The following LRRK2 variants were observed in gnomAD, a reference collection of about 807,000 sequenced individuals.
LRRK2 encodes leucine-rich repeat serine/threonine-protein kinase 2.
Under a neutral mutation model 302.6 loss-of-function variants are expected in LRRK2, and 203 were observed. The observed-to-expected ratio is 0.67, with a 90% CI of 0.60 to 0.75. The LOEUF (loss-of-function observed/expected upper bound fraction) is 0.75. Among genes scored for constraint, LRRK2 ranks in the 30% least tolerant of loss-of-function variants. The pLI is 0.00. For synonymous variants in LRRK2, 1,066 were observed against 1,031.9 expected, an observed-to-expected ratio of 1.03 and a Z score of -0.63; for missense variants, 2,830 against 2,951.0, an observed-to-expected ratio of 0.96 and a Z score of 0.95.
chr12:40,283,779 G>A, intron 18 of LRRK2, 96 bp from the exon 19 acceptor site: 2 of 1,038,252 alleles, frequency 1.9e-6, no homozygotes, highest in Non-Finnish European at 2.8e-6. Context: ...CCAAATTGGA[G>A]ATGTAGAGAA....
intron 33 of LRRK2, 58 bp downstream of exon 33, chr12:40,315,358 C>T (rs373801896): frequency 2.6e-4 from 355 of 1,370,016 alleles, no homozygotes; most frequent in Non-Finnish European, 3.5e-4. Flanking sequence ...GAACAGATGG[C>T]GCCCAGAGCA....
At chr12:40,287,183 G>T (rs1490372356) in intron 19 of LRRK2, among the ~76,000 whole-genome samples, 168 bp from the exon 20 acceptor site, 2 of 152,030 alleles carry the variant, frequency 1.3e-5, no homozygotes, top group Admixed American at 6.6e-5. Context: ...AAAAATATAT[G>T]ATCTGCCACC....
At chr12:40,256,468 A>G (rs957905685) in intron 11 of LRRK2, among the ~76,000 whole-genome samples, 3 of 152,176 alleles carry the variant, frequency 2.0e-5, no homozygotes, top group Admixed American at 6.6e-5. Flanking sequence ...CAACAAAAAA[A>G]GAGGAAAATT....
intron 2 of LRRK2, among the ~76,000 whole-genome samples, chr12:40,229,983 T>A (rs868622550): frequency 4.4e-5 from 6 of 135,174 alleles, no homozygotes; most frequent in African/African-American, 1.4e-4. Flanking sequence ...TTTTTTTTTT[T>A]ACCACCAGAA....
intron 41 of LRRK2, among the ~76,000 whole-genome samples, chr12:40,345,018 G>A (rs1322435400): frequency 6.6e-6 from 1 of 152,110 alleles, no homozygotes; most frequent in Non-Finnish European, 1.5e-5. Context: ...AGCATGGTGA[G>A]GACTGCTGAG....
chr12:40,231,271 GGCC>G (rs1941169267), intron 2 of LRRK2, among the ~76,000 whole-genome samples: 1 of 151,382 alleles, frequency 6.6e-6, no homozygotes, highest in Admixed American at 6.6e-5. Context: ...ACCTACTAAG[GGCC>G]AGGTGCAGAG....
intron 22 of LRRK2, 110 bp from the exon 23 acceptor site, chr12:40,295,317 T>G: frequency 1.0e-6 from 1 of 989,620 alleles, no homozygotes; most frequent in Non-Finnish European, 1.5e-6. Flanking sequence ...CTACTGAATC[T>G]TCAGTGCCTT....
rs552641153 is a variant in LRRK2 at position 40,256,640 on chromosome 12, T to A, written c.1289-608T>A. 4.6e-5 allele frequency among the ~76,000 whole-genome samples: 7 copies of A among 152,354 alleles called. No individual in the cohort carries two copies. In the South Asian group the frequency reaches 1.4e-3, roughly 32 times the overall value. On this transcript the variant is annotated intron_variant, in intron 11 of 50. Coordinates refer to ENST00000298910, the MANE Select transcript of LRRK2 (RefSeq NM_198578.4). The stretch of plus-strand genomic sequence containing the variant: ...ATGCTTTCCATTCATTTGTATATGA[T>A]GGCATATATAGAAATTATAATGTTT...
chr12:40,340,973 C>T (rs1946022580), intron 41 of LRRK2, among the ~76,000 whole-genome samples: 1 of 152,268 alleles, frequency 6.6e-6, no homozygotes, highest in South Asian at 2.1e-4. Context: ...ATACATTTTG[C>T]TGCAGAAATA....
At position 40,368,486 on chromosome 12, in the gene LRRK2, G is replaced by T. The variant is rs886049365; in HGVS notation, c.*721G>T. 6.6e-6 allele frequency: 1 copy of T among 151,684 alleles called. No individual in the cohort carries two copies. The highest frequency in any genetic ancestry group is 1.9e-4 in the East Asian group (1 of 5,242). The allele number at this position is 151,684 out of a possible 1,614,324, so 9.4% of individuals were successfully genotyped here. A position where few individuals can be genotyped will look rare whatever the true frequency, so the allele number is the denominator to read the frequency against. ...TGTCTTTCCTAGACATAATAGAGTT[G>T]TTTTTCAACTCTATGTTTGAATGTG... On this transcript the variant is annotated 3_prime_UTR_variant, in exon 51 of 51. Coordinates refer to ENST00000298910, the MANE Select transcript of LRRK2 (RefSeq NM_198578.4).
At chr12:40,237,781 G>C (rs1378143859) in intron 4 of LRRK2, among the ~76,000 whole-genome samples, 188 bp from the exon 5 acceptor site, 1 of 152,010 alleles carries the variant, frequency 6.6e-6, no homozygotes, top group Non-Finnish European at 1.5e-5. Context: ...TAAAGATCTA[G>C]AGCTTGATAA....
rs200433646 is a variant in LRRK2, at chr12:40,323,273, T to C, written c.5623T>C (p.Leu1875=). The change falls in exon 38 of 51, where the codon TTG becomes CTG. Residue 1875 remains leucine, a synonymous_variant. Coordinates refer to ENST00000298910, the MANE Select transcript of LRRK2 (RefSeq NM_198578.4). ...PRNIMLNNDE[L]EFEQAPEFLL... ...AAATATTATGTTGAATAATGATGAGTTGGAATTTGAACAAGCTCCAGAGTT... is the reference window on the plus strand; with the variant it reads ...AAATATTATGTTGAATAATGATGAGCTGGAATTTGAACAAGCTCCAGAGTT... The C allele has an allele frequency of 1.2e-5, 20 of 1,612,892 alleles. No homozygotes were observed. In the African/African-American group the frequency reaches 2.4e-4, roughly 19 times the overall value.
At chr12:40,254,780 C>T (rs1256649482) in intron 11 of LRRK2, among the ~76,000 whole-genome samples, 2 of 152,184 alleles carry the variant, frequency 1.3e-5, no homozygotes, top group Non-Finnish European at 2.9e-5. Flanking sequence ...TCTGCTCTTT[C>T]TAGTTCCTTA....
intron 47 of LRRK2, among the ~76,000 whole-genome samples, chr12:40,362,515 C>T (rs1204127980): frequency 6.6e-6 from 1 of 151,954 alleles, no homozygotes; most frequent in African/African-American, 2.4e-5. Context: ...ACATTGTCCT[C>T]ATCCTTATGA....
In LRRK2 at chr12:40,309,203, T is replaced by G; in HGVS notation, c.4287T>G (p.Asp1429Glu). Residue 1429 changes from aspartate to glutamate, a missense_variant, in exon 30 of 51, where the codon GAT becomes GAG. Physicochemically the swap from Asp to Glu is conservative, Grantham distance 45 (BLOSUM62 2). Around this residue, in one of 3 missense-constraint regions of LRRK2, gnomAD observed 2,121 missense variants for 2,148.0 expected, o/e 0.99. Coordinates refer to ENST00000298910, the MANE Select transcript of LRRK2 (RefSeq NM_198578.4). ...TCAGCAAGGGACAGGCTGAAGTTGA[T>G]GCCATGAAGCCTTGGCTCTTCAATA... is the stretch of plus-strand genomic sequence containing the variant. ...YDLSKGQAEV[D>E]AMKPWLFNIK... 6.2e-7 allele frequency: 1 copy of G among 1,613,922 alleles called. No individual in the cohort carries two copies. Among genetic ancestry groups the G allele is most frequent in the South Asian group, 1.1e-5 (1 of 91,078 alleles).
intron 47 of LRRK2, among the ~76,000 whole-genome samples, chr12:40,360,791 T>A (rs1326152094): frequency 6.6e-6 from 1 of 152,066 alleles, no homozygotes; most frequent in Non-Finnish European, 1.5e-5. Flanking sequence ...TGAAATTGAC[T>A]CAGATCTCTA....
intron 2 of LRRK2, among the ~76,000 whole-genome samples, chr12:40,229,743 A>C (rs1231613897): frequency 6.6e-6 from 1 of 152,202 alleles, no homozygotes; most frequent in Non-Finnish European, 1.5e-5. Context: ...ATAAGCTTTT[A>C]ATTGAATAGA....
At chr12:40,280,621 T>TTAAAGAAAA (rs147801391) in intron 18 of LRRK2, among the ~76,000 whole-genome samples, 1 of 132,564 alleles carries the variant, frequency 7.5e-6, no homozygotes, top group African/African-American at 3.0e-5. Flanking sequence ...CCAGACCCTG[T>TTAAAGAAAA]TAAAATAAAA....
intron 46 of LRRK2, among the ~76,000 whole-genome samples, chr12:40,358,278 TG>T (rs1946604224): frequency 6.6e-6 from 1 of 152,210 alleles, no homozygotes; most frequent in Non-Finnish European, 1.5e-5. Flanking sequence ...CCTGTGCTTT[TG>T]GGATCTTAAC....
Sources: gnomAD v4.1 joint callset for allele counts (sites outside exome capture counted in the v4.1 genomes callset) on GRCh38, gnomAD v4.1.1 for gene constraint, gnomAD v4.1.1 regional missense constraint, MANE v1.5 for transcripts, NCBI Gene and HGNC (gene_info 2026-07-23, HGNC 2026-07-21) for gene names.